The following RGS12 variants were observed in gnomAD, a reference collection of about 807,000 sequenced individuals.
RGS12 encodes regulator of G-protein signaling 12.
RGS12 carries 66 observed loss-of-function variants against 120.1 expected under a neutral mutation model. The ratio of observed to expected loss-of-function variants is 0.55; its 90% CI spans 0.45 to 0.67. The LOEUF (loss-of-function observed/expected upper bound fraction) is 0.67, where lower values mean the gene tolerates loss of function less well. Among genes scored for constraint, RGS12 ranks in the 30% least tolerant of loss-of-function variants. The pLI, the probability that RGS12 is intolerant of heterozygous loss-of-function variation, is 0.00. For missense variants in RGS12, 1,859 were observed against 1,957.7 expected, an observed-to-expected ratio of 0.95 and a Z score of 0.95; for synonymous variants, 827 against 804.7, an observed-to-expected ratio of 1.03 and a Z score of -0.47.
intron 1 of RGS12, among the ~76,000 whole-genome samples, chr4:3,296,570 C>T (rs1359201432): frequency 2.0e-5 from 3 of 152,158 alleles, no homozygotes; most frequent in East Asian, 1.9e-4. Flanking sequence ...TCTGCAGATC[C>T]GTATTGCCGT....
At position 3,431,895 on chromosome 4, in the gene RGS12, G is replaced by T. The variant is rs542716554; in HGVS notation, c.4114+940G>T. Reference sequence around the variant, plus strand: ...TTGGTCTTGTCAGACCTGTAGCCTGGACCTCGCCGGGGGACCAGGGAGTGC... The same window carrying T: ...TTGGTCTTGTCAGACCTGTAGCCTGTACCTCGCCGGGGGACCAGGGAGTGC... On this transcript the variant is annotated intron_variant, in intron 17 of 17. Coordinates refer to ENST00000336727, the MANE Select transcript of RGS12 (RefSeq NM_001394154.1). 3.7e-5 allele frequency: 36 copies of T among 985,514 alleles called. No homozygotes were observed. The African/African-American group carries it at 5.8e-4, about 16-fold the overall frequency. 61.0% of individuals were successfully genotyped at this position (985,514 alleles called of 1,614,324 possible). A position where few individuals can be genotyped will look rare whatever the true frequency, so the allele number is the denominator to read the frequency against.
chr4:3,376,136 G>A (rs909559973), intron 3 of RGS12, among the ~76,000 whole-genome samples: 4 of 152,210 alleles, frequency 2.6e-5, no homozygotes, highest in Non-Finnish European at 5.9e-5. Context: ...CTTAGGCTCC[G>A]CCAAGGATAT....
In RGS12 at chr4:3,439,707, T is replaced by G; in HGVS notation, c.*23T>G. On this transcript the variant is annotated 3_prime_UTR_variant, in exon 18 of 18. Transcript: ENST00000336727. ...TGAGCTGCCCTGGCCTGGCCAACTCTCCTGTGGACATGTCGGGGTGGGGCA... is the reference window on the plus strand; with the variant it reads ...TGAGCTGCCCTGGCCTGGCCAACTCGCCTGTGGACATGTCGGGGTGGGGCA... The G allele has an allele frequency of 4.1e-6, 6 of 1,467,560 alleles. No individual in the cohort carries two copies. Among genetic ancestry groups the G allele is most frequent in the Non-Finnish European group, 4.5e-6 (5 of 1,106,414 alleles). 90.9% of individuals were successfully genotyped at this position (1,467,560 alleles called of 1,614,324 possible).
rs527254623 is a variant in RGS12, at chr4:3,430,601, G to A, written c.3760G>A (p.Ala1254Thr). Residue 1254 changes from alanine (A) to threonine (T), a missense_variant, in exon 17 of 18, where the codon GCC becomes ACC. By Grantham distance (58) the Ala-to-Thr change is moderately conservative (BLOSUM62 0). Coordinates refer to ENST00000336727, the MANE Select transcript of RGS12 (RefSeq NM_001394154.1). ...CGCCACAGGCAACGGCCGGGAGAGC[G>A]CCTCCCAGCCTGGCGAGCAGTGGGA... ...RSATGNGRESASQPGEQWEPV... is the reference protein window; with the variant it reads ...RSATGNGRESTSQPGEQWEPV... 66 of 1,611,654 alleles carry A rather than the reference G, an allele frequency of 4.1e-5. No homozygotes were observed. The highest frequency in any genetic ancestry group is 2.4e-4 in the South Asian group (22 of 90,956).
chr4:3,394,199 G>A (rs1241762728), intron 4 of RGS12, among the ~76,000 whole-genome samples: 2 of 151,328 alleles, frequency 1.3e-5, no homozygotes, highest in African/African-American at 2.4e-5. Context: ...GTCTCGCTCT[G>A]TCACCCAGGC....
chr4:3,315,564 CAG>C (rs1370021715), intron 1 of RGS12, among the ~76,000 whole-genome samples: 1 of 152,200 alleles, frequency 6.6e-6, no homozygotes, highest in African/African-American at 2.4e-5. Context: ...AACTCTATGT[CAG>C]GGGATTTATG....
At chr4:3,360,565 T>C (rs1203696902) in intron 3 of RGS12, among the ~76,000 whole-genome samples, 1 of 152,226 alleles carries the variant, frequency 6.6e-6, no homozygotes, top group Non-Finnish European at 1.5e-5. Context: ...TGGTATGTTG[T>C]ATTTTCATTT....
intron 3 of RGS12, among the ~76,000 whole-genome samples, chr4:3,344,629 T>G (rs1713620465): frequency 3.3e-5 from 5 of 152,212 alleles, no homozygotes; most frequent in Admixed American, 3.3e-4. Context: ...TATCTCATGG[T>G]GGATTGCTGC....
At chr4:3,346,884 C>G (rs576483661) in intron 3 of RGS12, among the ~76,000 whole-genome samples, 1 of 152,254 alleles carries the variant, frequency 6.6e-6, no homozygotes, top group Non-Finnish European at 1.5e-5. Context: ...TCTAGGAACC[C>G]TTGAAGCAGG....
upstream of RGS12, among the ~76,000 whole-genome samples, chr4:3,292,186 CCGGGGAAGGAAGACACGAAGAGGG>C (rs1723058341): frequency 6.6e-6 from 1 of 152,198 alleles, no homozygotes. Context: ...AGACCCAGCG[CCGGGGAAGGAAGACACGAAGAGGG>C]CGAGGAAGGA....
intron 4 of RGS12, among the ~76,000 whole-genome samples, chr4:3,408,538 T>G (rs1721396822): frequency 6.6e-6 from 1 of 152,178 alleles, no homozygotes; most frequent in South Asian, 2.1e-4. Context: ...GAATTCCGGG[T>G]GGACGTTTTC....
chr4:3,302,324 G>A (rs958781030), intron 1 of RGS12, among the ~76,000 whole-genome samples: 1 of 151,458 alleles, frequency 6.6e-6, no homozygotes, highest in Non-Finnish European at 1.5e-5. Context: ...TGGACTGACC[G>A]CAGGGTCAGG....
chr4:3,406,485 C>T (rs968700472), intron 4 of RGS12, among the ~76,000 whole-genome samples: 1 of 152,196 alleles, frequency 6.6e-6, no homozygotes, highest in Admixed American at 6.5e-5. Flanking sequence ...CAACAAACAG[C>T]GCCTTCAGCC....
intron 4 of RGS12, among the ~76,000 whole-genome samples, chr4:3,402,303 T>G (rs1038872895): frequency 2.6e-4 from 40 of 152,214 alleles, no homozygotes; most frequent in Non-Finnish European, 1.3e-4. Context: ...CTGCCCCTGA[T>G]GTGTAGAGTA....
chr4:3,410,763 G>C (rs1348913505), intron 4 of RGS12, among the ~76,000 whole-genome samples: 1 of 152,240 alleles, frequency 6.6e-6, no homozygotes, highest in Admixed American at 6.5e-5. Context: ...CTGGCGTTCT[G>C]TGATGAGGCC....
intron 17 of RGS12, among the ~76,000 whole-genome samples, chr4:3,437,541 C>T (rs562988217): frequency 2.6e-5 from 4 of 152,324 alleles, no homozygotes; most frequent in East Asian, 3.9e-4. Flanking sequence ...TGGAGCCATG[C>T]GGACCTGGTG....
At chr4:3,364,880 G>T (rs1390287337) in intron 3 of RGS12, among the ~76,000 whole-genome samples, 1 of 151,996 alleles carries the variant, frequency 6.6e-6, no homozygotes, top group Non-Finnish European at 1.5e-5. Context: ...AGGAAGCTTG[G>T]CACCTCTGCT....
intron 4 of RGS12, among the ~76,000 whole-genome samples, chr4:3,386,841 A>T (rs1718907298): frequency 6.6e-6 from 1 of 152,216 alleles, no homozygotes; most frequent in Non-Finnish European, 1.5e-5. Flanking sequence ...TTTGGGTGAG[A>T]CCCAGAATTT....
intron 2 of RGS12, chr4:3,324,865 T>C (rs1725457853): frequency 6.6e-6 from 1 of 152,262 alleles, no homozygotes; most frequent in East Asian, 1.9e-4. Context: ...GAAATAGTGT[T>C]ATTTAATTTC....
Sources: gnomAD v4.1 joint callset for allele counts (sites outside exome capture counted in the v4.1 genomes callset) on GRCh38, gnomAD v4.1.1 for gene constraint, MANE v1.5 for transcripts, NCBI Gene and HGNC (gene_info 2026-07-23, HGNC 2026-07-21) for gene names.